The following PDE4D variants were observed in gnomAD, a reference collection of about 807,000 sequenced individuals.
The protein encoded by PDE4D is phosphodiesterase 4D.
Under a neutral mutation model 87.4 loss-of-function variants are expected in PDE4D, and 24 were observed. The ratio of observed to expected loss-of-function variants is 0.27; its 90% confidence interval spans 0.20 to 0.39. The LOEUF (loss-of-function observed/expected upper bound fraction) is 0.39, where lower values mean the gene tolerates loss of function less well. Ranked by LOEUF, PDE4D falls within the 10% of genes least tolerant of loss-of-function variation. PDE4D has a pLI of 1.00. For missense variants in PDE4D, 714 were observed against 1,041.0 expected, an observed-to-expected ratio of 0.69 and a Z score of 4.32; for synonymous variants, 384 against 383.2, an observed-to-expected ratio of 1.00 and a Z score of -0.02.
intron 2 of PDE4D, among the ~76,000 whole-genome samples, chr5:60,085,632 G>C (rs548012783): frequency 1.2e-4 from 18 of 152,174 alleles, no homozygotes; most frequent in Non-Finnish European, 1.6e-4. Context: ...GAAAGTGATG[G>C]AGGGAAAAAG....
chr5:60,186,338 C>A (rs1288846500), intron 1 of PDE4D, among the ~76,000 whole-genome samples: 1 of 152,100 alleles, frequency 6.6e-6, no homozygotes, highest in African/African-American at 2.4e-5. Context: ...AGAGTAATTG[C>A]CACTTGAATG....
chr5:60,479,746 C>T (rs369505318), intron 1 of PDE4D, among the ~76,000 whole-genome samples: 2 of 152,134 alleles, frequency 1.3e-5, no homozygotes, highest in African/African-American at 4.8e-5. Context: ...TACAATAAAA[C>T]TTTATTTACA....
chr5:59,596,637 T>C (rs1826721026), intron 1 of PDE4D, among the ~76,000 whole-genome samples: 1 of 152,112 alleles, frequency 6.6e-6, no homozygotes, highest in African/African-American at 2.4e-5. Context: ...AAATATTTAA[T>C]AAATGAGTCT....
intron 2 of PDE4D, among the ~76,000 whole-genome samples, chr5:60,180,421 C>T (rs557976711): frequency 1.4e-4 from 21 of 152,154 alleles, no homozygotes; most frequent in African/African-American, 3.1e-4. Context: ...GTGCCCACAA[C>T]GTGATGAAGT....
intron 2 of PDE4D, among the ~76,000 whole-genome samples, chr5:60,048,594 G>T (rs909263865): frequency 1.3e-5 from 2 of 152,002 alleles, no homozygotes; most frequent in African/African-American, 4.8e-5. Context: ...TTGCTTGTCT[G>T]TAAAGGATTT....
At chr5:59,574,690 A>G (rs1471381898) in intron 1 of PDE4D, among the ~76,000 whole-genome samples, 1 of 152,108 alleles carries the variant, frequency 6.6e-6, no homozygotes, top group Non-Finnish European at 1.5e-5. Flanking sequence ...TTCAACCTCC[A>G]GATTTTCATA....
Position 59,768,306 on chromosome 5 carries a change from G to C in PDE4D, c.455+124862C>G, listed in dbSNP as rs374014290. On this transcript the variant is annotated intron_variant, in intron 1 of 14. Coordinates refer to ENST00000340635, the MANE Select transcript of PDE4D (RefSeq NM_001104631.2). Reference sequence around the variant, plus strand: ...GGATGTTGCTGCTGAGAAGCATTCTGCGCAGAAGCCTGGGGGAATTTCTCG... The same window carrying C: ...GGATGTTGCTGCTGAGAAGCATTCTCCGCAGAAGCCTGGGGGAATTTCTCG... 1.3e-6 allele frequency: 2 copies of C among 1,598,306 alleles called. No homozygotes were observed. The highest frequency in any genetic ancestry group is 8.5e-7 in the Non-Finnish European group (1 of 1,179,752).
chr5:59,651,612 A>C (rs148794467), intron 1 of PDE4D, among the ~76,000 whole-genome samples: 3 of 152,260 alleles, frequency 2.0e-5, no homozygotes, highest in African/African-American at 7.2e-5. Flanking sequence ...GTGTAATAAT[A>C]ATCCATATCT....
intron 1 of PDE4D, among the ~76,000 whole-genome samples, chr5:59,484,592 C>T (rs1477554501): frequency 6.6e-6 from 1 of 152,182 alleles, no homozygotes; most frequent in Non-Finnish European, 1.5e-5. Context: ...GTCCGTTCCC[C>T]TTCTTTCATC....
intron 1 of PDE4D, among the ~76,000 whole-genome samples, chr5:60,200,033 T>C (rs1214684691): frequency 6.6e-6 from 1 of 151,498 alleles, no homozygotes; most frequent in Non-Finnish European, 1.5e-5. Context: ...GAGCACTCAA[T>C]TGGAAAATGG....
chr5:60,380,286 A>G (rs1761759471), intron 1 of PDE4D, among the ~76,000 whole-genome samples: 1 of 152,180 alleles, frequency 6.6e-6, no homozygotes, highest in African/African-American at 2.4e-5. Flanking sequence ...TAGATACTCT[A>G]ATGATCATTT....
intron 1 of PDE4D, among the ~76,000 whole-genome samples, chr5:59,521,204 G>C (rs771083669): frequency 4.6e-5 from 7 of 152,166 alleles, no homozygotes; most frequent in Non-Finnish European, 7.3e-5. Context: ...ACTGAGAATG[G>C]GGGAAGAGGA....
chr5:59,484,168 C>T (rs536355831), intron 1 of PDE4D, among the ~76,000 whole-genome samples: 45 of 152,312 alleles, frequency 3.0e-4, no homozygotes, highest in African/African-American at 1.1e-3. Flanking sequence ...GGGAATTCCA[C>T]TAGGGTCTAG....
intron 3 of PDE4D, among the ~76,000 whole-genome samples, chr5:59,955,005 A>G (rs762389654): frequency 5.3e-5 from 8 of 152,222 alleles, no homozygotes; most frequent in Non-Finnish European, 4.4e-5. Flanking sequence ...AAAGTTTAAA[A>G]CAAAGCAAAT....
chr5:59,945,784 T>C (rs1408830435), intron 3 of PDE4D, among the ~76,000 whole-genome samples: 2 of 152,196 alleles, frequency 1.3e-5, no homozygotes, highest in African/African-American at 4.8e-5. Context: ...CCATGATAAA[T>C]AATTTTGAGT....
At position 59,058,828 on chromosome 5, in the gene PDE4D, C is replaced by G. The variant is rs73101649; in HGVS notation, c.809-19857G>C. On this transcript the variant is annotated intron_variant, in intron 5 of 14. Coordinates refer to ENST00000340635, the MANE Select transcript of PDE4D (RefSeq NM_001104631.2). ...AAGTCTTCCTTTTAAACTTGGGTCT[C>G]TTTTGCACATCAGAAACAAAGAATC... 7.6e-3 allele frequency among the ~76,000 whole-genome samples: 1,156 copies of G among 152,240 alleles called. 10 individuals are homozygous for G. The highest frequency in any genetic ancestry group is 0.027 in the African/African-American group (1,106 of 41,558).
chr5:59,218,713 C>A (rs2153507899), intron 1 of PDE4D, among the ~76,000 whole-genome samples: 1 of 152,018 alleles, frequency 6.6e-6, no homozygotes, highest in East Asian at 1.9e-4. Flanking sequence ...ATGAAAATAA[C>A]CCTTTAAATG....
At chr5:59,201,703 C>A (rs1466368347) in intron 2 of PDE4D, among the ~76,000 whole-genome samples, 4 of 152,216 alleles carry the variant, frequency 2.6e-5, no homozygotes, top group African/African-American at 9.6e-5. Flanking sequence ...TTATGAAACC[C>A]TAGGGAATAA....
intron 1 of PDE4D, among the ~76,000 whole-genome samples, chr5:59,887,325 G>A (rs541364363): frequency 3.3e-5 from 5 of 152,216 alleles, no homozygotes; most frequent in African/African-American, 1.2e-4. Flanking sequence ...AAACAATAAG[G>A]TAAAGTGGCT....
Sources: allele counts gnomAD v4.1 joint callset (sites outside exome capture counted in the v4.1 genomes callset), GRCh38; gene constraint gnomAD v4.1.1; transcripts MANE v1.5; gene names NCBI Gene and HGNC (gene_info 2026-07-23, HGNC 2026-07-21).